Variants in GALNTL6 observed in about 807,000 individuals in gnomAD.
GALNTL6 encodes polypeptide N-acetylgalactosaminyltransferase like 6.
Under a neutral mutation model 73.7 loss-of-function variants are expected in GALNTL6, and 46 were observed. That is an observed-to-expected ratio of 0.62 (90% CI 0.49 to 0.80). GALNTL6 has a LOEUF of 0.80. Ranked by LOEUF, GALNTL6 falls within the 30% of genes least tolerant of loss-of-function variation. The probability of loss-of-function intolerance (pLI) is 0.00; values close to 1 mark genes in which losing one functional copy is unlikely to be tolerated. For missense variants in GALNTL6, 604 were observed against 755.0 expected, an observed-to-expected ratio of 0.80 and a Z score of 2.34; for synonymous variants, 259 against 263.7, an observed-to-expected ratio of 0.98 and a Z score of 0.17.
intron 2 of GALNTL6, among the ~76,000 whole-genome samples, chr4:172,201,793 T>A (rs1032803524): frequency 6.6e-6 from 1 of 152,128 alleles, no homozygotes; most frequent in Non-Finnish European, 1.5e-5. Flanking sequence ...GTGCTGGTAA[T>A]TATCAAAAGG....
intron 5 of GALNTL6, among the ~76,000 whole-genome samples, chr4:172,357,843 C>CA (rs1742218189): frequency 6.6e-6 from 1 of 152,098 alleles, no homozygotes; most frequent in Non-Finnish European, 1.5e-5. Flanking sequence ...CTAGCTCTAT[C>CA]ACTTGACAGC....
At chr4:172,958,158 G>A (rs1481521443) in intron 10 of GALNTL6, among the ~76,000 whole-genome samples, 1 of 152,204 alleles carries the variant, frequency 6.6e-6, no homozygotes, top group Non-Finnish European at 1.5e-5. Flanking sequence ...ATAGATTTTG[G>A]AAGTTATGAG....
At chr4:172,931,008 A>AG (rs2111318765) in intron 8 of GALNTL6, among the ~76,000 whole-genome samples, 153 bp from the exon 9 acceptor site, 1 of 152,294 alleles carries the variant, frequency 6.6e-6, no homozygotes, top group African/African-American at 2.4e-5. Context: ...TTTAAAAAAA[A>AG]GTGGTTTTCT....
At chr4:172,151,946 CTATCTAT>C in intron 2 of GALNTL6, among the ~76,000 whole-genome samples, 1 of 19,200 alleles carries the variant, frequency 5.2e-5, no homozygotes, top group South Asian at 5.9e-3. Context: ...TTATATCTAT[CTATCTAT>C]CTATCTATCT....
chr4:172,664,304 C>T (rs1285812957), intron 5 of GALNTL6, among the ~76,000 whole-genome samples: 1 of 152,174 alleles, frequency 6.6e-6, no homozygotes, highest in Non-Finnish European at 1.5e-5. Flanking sequence ...AACATCTACT[C>T]ATTCATAATT....
chr4:172,987,755 C>T (rs897820688), intron 10 of GALNTL6, among the ~76,000 whole-genome samples: 4 of 152,010 alleles, frequency 2.6e-5, no homozygotes, highest in African/African-American at 9.7e-5. Flanking sequence ...GTGTGTAGCA[C>T]CTCTCCCTTC....
intron 2 of GALNTL6, among the ~76,000 whole-genome samples, chr4:172,164,363 G>A (rs987164612): frequency 5.3e-5 from 8 of 151,800 alleles, no homozygotes; most frequent in Non-Finnish European, 1.0e-4. Context: ...CTCAGATATA[G>A]TCATACTTAA....
intron 2 of GALNTL6, among the ~76,000 whole-genome samples, chr4:171,835,090 G>A (rs192221911): frequency 1.2e-3 from 176 of 152,084 alleles, no homozygotes; most frequent in African/African-American, 3.8e-3. Flanking sequence ...TTGAAAGAAA[G>A]ATTGACAAAC....
At chr4:171,930,697 G>T (rs538746531) in intron 2 of GALNTL6, among the ~76,000 whole-genome samples, 1 of 152,150 alleles carries the variant, frequency 6.6e-6, no homozygotes, top group South Asian at 2.1e-4. Context: ...ATAGCCAGGC[G>T]TGGTGGTGGG....
At chr4:172,085,788 T>G (rs1391104507) in intron 2 of GALNTL6, among the ~76,000 whole-genome samples, 1 of 152,006 alleles carries the variant, frequency 6.6e-6, no homozygotes, top group Non-Finnish European at 1.5e-5. Context: ...TATATAAAGT[T>G]TAATTTCTTC....
intron 9 of GALNTL6, among the ~76,000 whole-genome samples, chr4:172,941,142 C>T (rs910251364): frequency 1.3e-5 from 2 of 152,110 alleles, no homozygotes; most frequent in African/African-American, 4.8e-5. Context: ...TCAGTTATGA[C>T]TTGTGATTCA....
At chr4:172,676,617 G>T (rs1018485649) in intron 5 of GALNTL6, among the ~76,000 whole-genome samples, 2 of 152,170 alleles carry the variant, frequency 1.3e-5, no homozygotes, top group African/African-American at 2.4e-5. Context: ...AAAAGTAGGG[G>T]TTAGACATAT....
chr4:172,187,484 T>C (rs1735448646), intron 2 of GALNTL6, among the ~76,000 whole-genome samples: 1 of 152,122 alleles, frequency 6.6e-6, no homozygotes, highest in Non-Finnish European at 1.5e-5. Flanking sequence ...TAGTGTTCAT[T>C]ACAGTTTTTT....
chr4:172,418,051 A>G (rs1443133846), intron 5 of GALNTL6, among the ~76,000 whole-genome samples: 2 of 152,142 alleles, frequency 1.3e-5, no homozygotes, highest in East Asian at 3.9e-4. Flanking sequence ...AACATTTTGT[A>G]TAGTTTACAA....
chr4:171,903,301 T>C (rs7693106), intron 2 of GALNTL6, among the ~76,000 whole-genome samples: 87,440 of 151,714 alleles, frequency 0.58, 26,313 homozygotes, highest in African/African-American at 0.76. Flanking sequence ...GTGCGCGAGC[T>C]GAAGCAGGGC....
At chr4:171,885,252 T>G (rs1250826974) in intron 2 of GALNTL6, among the ~76,000 whole-genome samples, 1 of 152,146 alleles carries the variant, frequency 6.6e-6, no homozygotes, top group Non-Finnish European at 1.5e-5. Flanking sequence ...AGGTTCTTAT[T>G]TTTTCTTTGT....
At chr4:172,281,532 T>TAA in intron 3 of GALNTL6, among the ~76,000 whole-genome samples, 1 of 150,132 alleles carries the variant, frequency 6.7e-6, no homozygotes, top group South Asian at 2.1e-4. Context: ...CTGTCTCTAC[T>TAA]AAAAAAAAAT....
chr4:172,821,616 T>C (rs1048429012), intron 7 of GALNTL6, among the ~76,000 whole-genome samples: 3 of 152,298 alleles, frequency 2.0e-5, no homozygotes, highest in Admixed American at 2.0e-4. Context: ...CAGCTTCTGG[T>C]CTGTTTATAA....
chr4:172,520,500 C>CT (rs1734743354), intron 5 of GALNTL6, among the ~76,000 whole-genome samples: 1 of 148,850 alleles, frequency 6.7e-6, no homozygotes, highest in Non-Finnish European at 1.5e-5. Context: ...TTCATTCATT[C>CT]TTTTTTTACT....
Sources: allele counts gnomAD v4.1 joint callset (sites outside exome capture counted in the v4.1 genomes callset), GRCh38; gene constraint gnomAD v4.1.1; transcripts MANE v1.5; gene names NCBI Gene and HGNC (gene_info 2026-07-23, HGNC 2026-07-21).